The following TNFAIP2 variants were observed in gnomAD, a reference collection of about 807,000 sequenced individuals.
The protein encoded by TNFAIP2 is TNF alpha induced protein 2, also known as tumor necrosis factor alpha-induced protein 2.
Under a neutral mutation model 63.5 loss-of-function variants are expected in TNFAIP2, and 47 were observed. The ratio of observed to expected loss-of-function variants is 0.74; its 90% CI spans 0.59 to 0.94. The LOEUF (loss-of-function observed/expected upper bound fraction) is 0.94. TNFAIP2 is among the 40% of genes least tolerant of loss of function. TNFAIP2 has a pLI of 0.00. For missense variants in TNFAIP2, 787 were observed against 850.2 expected (o/e 0.93, Z 0.92); for synonymous variants, 405 against 390.2 (o/e 1.04, Z -0.45).
At chr14:103,132,001 TGGGAGGGGCCGCC>T (rs2087986403) in intron 8 of TNFAIP2, among the ~76,000 whole-genome samples, 1 of 5,694 alleles carries the variant, frequency 1.8e-4, no homozygotes, top group Admixed American at 1.9e-3. Flanking sequence ...CGCCTGGGGC[TGGGAGGGGCCGCC>T]TGGGGCTGGG....
chr14:103,127,097 G>T lies in TNFAIP2; in HGVS notation c.328G>T (p.Ala110Ser). ...LERELAAAAAAGGVSEEELVR... is the reference protein window; with the variant it reads ...LERELAAAAASGGVSEEELVR... ...GCGGGAGCTGGCGGCGGCGGCGGCG[G>T]CGGGCGGTGTGAGCGAGGAGGAGCT... is the stretch of plus-strand genomic sequence containing the variant. The change falls in exon 3 of 12, where the codon GCG becomes TCG. Residue 110 changes from alanine to serine, a missense_variant. Ala to Ser is a moderately conservative substitution (Grantham distance 99). Around this residue, in one of 3 missense-constraint regions of TNFAIP2, gnomAD observed 258 missense variants for 228.9 expected, o/e 1.13. Transcript: ENST00000560869. This position sits in a 1 kb window ranked among gnomAD's most constrained non-coding sequence, Gnocchi z 5.1. The T allele has an allele frequency of 1.8e-6, 2 of 1,104,164 alleles. No individual in the cohort carries two copies. The highest frequency in any genetic ancestry group is 1.1e-6 in the Non-Finnish European group (1 of 906,996). 68.4% of individuals were successfully genotyped at this position (1,104,164 alleles called of 1,614,324 possible). A position where few individuals can be genotyped will look rare whatever the true frequency, so the allele number is the denominator to read the frequency against.
At chr14:103,128,934 G>A (rs565104815) in intron 3 of TNFAIP2, among the ~76,000 whole-genome samples, 101 of 152,350 alleles carry the variant, frequency 6.6e-4, no homozygotes, top group Middle Eastern at 6.8e-3. Context: ...GGGGGGCATC[G>A]TTGAAGCCTG....
Position 103,129,957 on chromosome 14 carries a change from C to G in TNFAIP2, c.976-45C>G, listed in dbSNP as rs749915266. The G allele has an allele frequency of 2.5e-6, 4 of 1,607,644 alleles. No homozygotes were observed. The South Asian group carries it at 3.3e-5, about 13-fold the overall frequency. The stretch of plus-strand genomic sequence containing the variant: ...GAGCTTGACGGGTCTTCCAGGTGAG[C>G]GAGGTGAGGGATAGTGCCCCAGTGA... On this transcript the variant is annotated intron_variant, in intron 4 of 11. Transcript: ENST00000560869.
At chr14:103,130,452 C>G (rs1233013354) in intron 6 of TNFAIP2, 37 bp downstream of exon 6, 1 of 1,541,584 alleles carries the variant, frequency 6.5e-7, no homozygotes, top group African/African-American at 1.4e-5. Flanking sequence ...CTGTAGCCAC[C>G]GCTCTCAGAG....
intron 8 of TNFAIP2, among the ~76,000 whole-genome samples, chr14:103,132,303 G>A (rs2087993591): frequency 6.6e-6 from 1 of 152,114 alleles, no homozygotes; most frequent in Non-Finnish European, 1.5e-5. Flanking sequence ...AAAGTGGGGG[G>A]TCTCTCAAAA....
intron 1 of TNFAIP2, among the ~76,000 whole-genome samples, chr14:103,125,574 G>A (rs1305163183): frequency 2.0e-5 from 3 of 152,202 alleles, no homozygotes; most frequent in South Asian, 4.1e-4. Flanking sequence ...TTGGGAGGGG[G>A]TGGGAGCCAG....
In TNFAIP2 at chr14:103,127,900, T is replaced by C. The variant is rs1446013939; in HGVS notation, c.860+271T>C. ...CCTGGGCCTCAGTCACATTCTGCTG[T>C]TGGGGAAACTGAGGCACAGAAAATG... On this transcript the variant is annotated intron_variant, in intron 3 of 11. Transcript: ENST00000560869. This position sits in a 1 kb window ranked among gnomAD's most constrained non-coding sequence, Gnocchi z 5.1. Among the ~76,000 whole-genome samples, 2 of 152,066 alleles carry C rather than the reference T, an allele frequency of 1.3e-5. No individual in the cohort carries two copies. Among genetic ancestry groups the C allele is most frequent in the Admixed American group, 6.5e-5 (1 of 15,270 alleles).
chr14:103,128,258 AAGTGATG>A (rs374483058), intron 3 of TNFAIP2, among the ~76,000 whole-genome samples: 1 of 152,312 alleles, frequency 6.6e-6, no homozygotes, highest in African/African-American at 2.4e-5. Flanking sequence ...GGAGAGTTCC[AAGTGATG>A]GGCTAGGGCC....
chr14:103,134,223 G>C (rs2088049387), intron 11 of TNFAIP2, among the ~76,000 whole-genome samples: 1 of 152,246 alleles, frequency 6.6e-6, no homozygotes, highest in Non-Finnish European at 1.5e-5. Context: ...TGAAGTTCTG[G>C]TGGGCCAGGG....
Position 103,129,735 on chromosome 14 carries a change from T to C in TNFAIP2, c.861-5T>C. The C allele has an allele frequency of 1.2e-6, 2 of 1,613,126 alleles. No homozygotes were observed. The highest frequency in any genetic ancestry group is 1.7e-6 in the Non-Finnish European group (2 of 1,179,216). On this transcript the variant is annotated splice_polypyrimidine_tract_variant and splice_region_variant and intron_variant, in intron 3 of 11. Transcript: ENST00000560869. ...TGTCCTCATGCCAGCCTCCCCTGCC[T>C]GCAGTGACATCATCAACAGCCCCAA...
intron 1 of TNFAIP2, among the ~76,000 whole-genome samples, chr14:103,125,971 A>G (rs949597292): frequency 6.6e-6 from 1 of 152,142 alleles, no homozygotes; most frequent in East Asian, 1.9e-4. Flanking sequence ...GGAGGTGTCC[A>G]TTGCCTGCTT....
intron 9 of TNFAIP2, 31 bp downstream of exon 9, chr14:103,132,903 T>C (rs1196076000): frequency 2.5e-6 from 4 of 1,611,442 alleles, no homozygotes; most frequent in African/African-American, 2.7e-5. Context: ...TGGCTGGGTC[T>C]TGGGGAGTTG....
rs758344535 is a variant in TNFAIP2, at chr14:103,130,080, C to A, written c.1054C>A (p.Leu352Met). ...GGCTGAGGATGTGCCTCCCCAGAGG[C>A]TGGACGGCCACTGCCACAGCGAGCT... ...RWAEDVPPQR[L>M]DGHCHSELAI... is the part of the protein sequence containing the mutation. The change falls in exon 5 of 12, where the codon CTG becomes ATG. Residue 352 changes from leucine (L) to methionine (M), a missense_variant. By Grantham distance (15) the Leu-to-Met change is conservative. Around this residue, in one of 3 missense-constraint regions of TNFAIP2, gnomAD observed 523 missense variants for 604.1 expected, o/e 0.87. Coordinates refer to ENST00000560869, the MANE Select transcript of TNFAIP2 (RefSeq NM_006291.4). 6.2e-7 allele frequency: 1 copy of A among 1,613,216 alleles called. No homozygotes were observed.
In TNFAIP2 at chr14:103,126,468, C is replaced by T. The variant is rs1459744634; in HGVS notation, c.11C>T (p.Ala4Val). The T allele has an allele frequency of 1.3e-6, 2 of 1,591,246 alleles. No individual in the cohort carries two copies. Among genetic ancestry groups the T allele is most frequent in the Non-Finnish European group, 1.7e-6 (2 of 1,170,890 alleles). The stretch of plus-strand genomic sequence containing the variant: ...GAGTCAGAGGCCTCCATGTCGGAGG[C>T]CTCCTCTGAGGACCTGGTGCCACCC... MSE[A>V]SSEDLVPPLE... The change falls in exon 2 of 12, where the codon GCC (alanine) becomes GTC (valine). Residue 4 changes from alanine to valine, a missense_variant. By Grantham distance (64) the Ala-to-Val change is moderately conservative (BLOSUM62 0). This residue lies in a region of TNFAIP2 where 258 missense variants were observed against 228.9 expected (regional missense o/e 1.13). Transcript: ENST00000560869.
rs2087969791 is a variant in TNFAIP2, at chr14:103,131,381, C to T, written c.1298+231C>T. 6.6e-6 allele frequency among the ~76,000 whole-genome samples: 1 copy of T among 152,168 alleles called. No homozygotes were observed. The highest frequency in any genetic ancestry group is 2.4e-5 in the African/African-American group (1 of 41,426). On this transcript the variant is annotated intron_variant, in intron 7 of 11. Coordinates refer to ENST00000560869, the MANE Select transcript of TNFAIP2 (RefSeq NM_006291.4). This position sits in a 1 kb window ranked among gnomAD's most constrained non-coding sequence, Gnocchi z 4.0. ...CCATTATCTTATCCTTAAAGCAACC[C>T]TGTGAAGTAGGTATAGTGATCTGTC...
At position 103,123,846 on chromosome 14, in the gene TNFAIP2, G is replaced by A. The variant is rs867640751; in HGVS notation, c.-254G>A. 6.6e-6 allele frequency: 1 copy of A among 152,348 alleles called. No individual in the cohort carries two copies. Among genetic ancestry groups the A allele is most frequent in the African/African-American group, 2.4e-5 (1 of 41,460 alleles). 9.4% of individuals were successfully genotyped at this position (152,348 alleles called of 1,614,324 possible). On this transcript the variant is annotated 5_prime_UTR_variant, in exon 1 of 12. Coordinates refer to ENST00000560869, the MANE Select transcript of TNFAIP2 (RefSeq NM_006291.4). ...TCGCCCGTGCCCGGGTGTCCTCATC[G>A]GGGGATGGGTGCGCCTTCCACATCC...
chr14:103,133,402 A>G lies in TNFAIP2; in HGVS notation c.1586A>G (p.Tyr529Cys). The G allele has an allele frequency of 6.2e-7, 1 of 1,613,920 alleles. No individual in the cohort carries two copies. The highest frequency in any genetic ancestry group is 8.5e-7 in the Non-Finnish European group (1 of 1,180,020). The change falls in exon 10 of 12, where the codon TAC becomes TGC. Residue 529 changes from tyrosine to cysteine, a missense_variant. By Grantham distance (194) the Tyr-to-Cys change is radical (BLOSUM62 -2). Transcript: ENST00000560869. Reference sequence around the variant, plus strand: ...TTGCACCTGCACCTGGTGAAGGAGTACATCATCCAACTCAGCAAGGGGCGC... The same window carrying G: ...TTGCACCTGCACCTGGTGAAGGAGTGCATCATCCAACTCAGCAAGGGGCGC... ...EALHLHLVKE[Y>C]IIQLSKGRLV...
intron 8 of TNFAIP2, 75 bp from the exon 9 acceptor site, chr14:103,132,675 G>A: frequency 8.8e-7 from 1 of 1,134,960 alleles, no homozygotes. Context: ...GTCTGTGTCT[G>A]CGTGTCTGCG....
Position 103,129,809 on chromosome 14 carries a change from C to T in TNFAIP2, c.930C>T (p.Pro310=). ...QGMGLGSLLP[P]RQIRLLEATF... is the part of the protein sequence containing the mutation. Reference sequence around the variant, plus strand: ...TGGGGCTCGGGAGCCTCCTGCCCCCCAGGCAGATCCGACTGCTGGAGGCCA... The same window carrying T: ...TGGGGCTCGGGAGCCTCCTGCCCCCTAGGCAGATCCGACTGCTGGAGGCCA... Residue 310 remains proline, a synonymous_variant, in exon 4 of 12, where the codon CCC becomes CCT. Transcript: ENST00000560869. 6.2e-7 allele frequency: 1 copy of T among 1,614,026 alleles called. No homozygotes were observed. The highest frequency in any genetic ancestry group is 1.1e-5 in the South Asian group (1 of 91,086).
Sources: allele counts gnomAD v4.1 joint callset (sites outside exome capture counted in the v4.1 genomes callset), GRCh38; gene constraint gnomAD v4.1.1; regional missense constraint gnomAD v4.1.1; non-coding constraint Gnocchi (gnomAD v3.1); transcripts MANE v1.5; gene names NCBI Gene and HGNC (gene_info 2026-07-23, HGNC 2026-07-21).